The following SLC38A4 variants were observed in gnomAD, a reference collection of about 807,000 sequenced individuals.
SLC38A4 encodes sodium-coupled neutral amino acid transporter 4.
A neutral mutation model predicts 63.1 loss-of-function variants in SLC38A4; 20 were observed. The observed-to-expected ratio is 0.32, with a 90% confidence interval of 0.22 to 0.46. The LOEUF (loss-of-function observed/expected upper bound fraction) is 0.46, where lower values mean the gene tolerates loss of function less well. Among genes scored for constraint, SLC38A4 ranks in the 20% least tolerant of loss-of-function variants. The pLI, the probability that SLC38A4 is intolerant of heterozygous loss-of-function variation, is 1.00. For synonymous variants in SLC38A4, 230 were observed against 225.5 expected (o/e 1.02, Z -0.18); for missense variants, 526 against 663.6 (o/e 0.79, Z 2.28).
rs1300026239 is a variant in SLC38A4 at position 46,803,720 on chromosome 12, T to C, written c.-230A>G. The C allele has an allele frequency of 6.6e-6, 1 of 151,112 alleles. No individual in the cohort carries two copies. Among genetic ancestry groups the C allele is most frequent in the Non-Finnish European group, 1.5e-5 (1 of 67,804 alleles). The allele number at this position is 151,112 out of a possible 1,614,324, so 9.4% of individuals were successfully genotyped here. A position where few individuals can be genotyped will look rare whatever the true frequency, so the allele number is the denominator to read the frequency against. ...ATCTAGACATTGATTTAAAGACCAGTGGGAGTGAACGAGACAAGCCAATCA... is the reference window on the plus strand; with the variant it reads ...ATCTAGACATTGATTTAAAGACCAGCGGGAGTGAACGAGACAAGCCAATCA... On this transcript the variant is annotated 5_prime_UTR_variant, in exon 2 of 17. Transcript: ENST00000266579.
intron 2 of SLC38A4, among the ~76,000 whole-genome samples, chr12:46,802,354 T>G (rs1391693946): frequency 6.6e-6 from 1 of 152,016 alleles, no homozygotes; most frequent in African/African-American, 2.4e-5. Flanking sequence ...TGCAGTAAGT[T>G]CCATTCATTA....
intron 7 of SLC38A4, among the ~76,000 whole-genome samples, chr12:46,783,788 G>A (rs1395346942): frequency 6.6e-6 from 1 of 152,016 alleles, no homozygotes; most frequent in Non-Finnish European, 1.5e-5. Context: ...GAGGGAGTAA[G>A]TGTCATTATG....
chr12:46,782,710 A>G (rs1257137989), intron 7 of SLC38A4, among the ~76,000 whole-genome samples: 1 of 151,510 alleles, frequency 6.6e-6, no homozygotes, highest in Non-Finnish European at 1.5e-5. Context: ...AGAAGCATAT[A>G]CAGAACACTT....
At chr12:46,780,127 TCCC>T in intron 7 of SLC38A4, 97 bp from the exon 8 acceptor site, 1 of 914,250 alleles carries the variant, frequency 1.1e-6, no homozygotes, top group South Asian at 1.4e-5. Context: ...GAACATCTAA[TCCC>T]CCAAATGGAA....
chr12:46,801,196 A>G (rs1939125913), intron 2 of SLC38A4, among the ~76,000 whole-genome samples: 1 of 152,132 alleles, frequency 6.6e-6, no homozygotes, highest in African/African-American at 2.4e-5. Flanking sequence ...CATTTCTATC[A>G]TATTAATTAA....
chr12:46,799,851 G>A (rs935620861), intron 2 of SLC38A4, among the ~76,000 whole-genome samples: 2 of 152,056 alleles, frequency 1.3e-5, no homozygotes, highest in Non-Finnish European at 2.9e-5. Flanking sequence ...AGAAACTATG[G>A]AAGACACAGA....
At chr12:46,829,537 A>G (rs887508875), upstream of SLC38A4, among the ~76,000 whole-genome samples, 1 of 152,124 alleles carries the variant, frequency 6.6e-6, no homozygotes, top group Non-Finnish European at 1.5e-5. Context: ...GTACATCACG[A>G]AGTCCACAAG....
chr12:46,801,798 C>T (rs992499174), intron 2 of SLC38A4, among the ~76,000 whole-genome samples: 3 of 152,000 alleles, frequency 2.0e-5, no homozygotes, highest in Non-Finnish European at 4.4e-5. Flanking sequence ...CATATTTTGT[C>T]AGTGAGAGCG....
At chr12:46,825,281 T>A (rs1353525408) in intron 1 of SLC38A4, among the ~76,000 whole-genome samples, 1 of 142,416 alleles carries the variant, frequency 7.0e-6, no homozygotes, top group Non-Finnish European at 1.6e-5. Context: ...TGCAACTGGA[T>A]GCAAATTTAT....
At chr12:46,772,186 T>A (rs571066979) in intron 14 of SLC38A4, among the ~76,000 whole-genome samples, 36 of 151,994 alleles carry the variant, frequency 2.4e-4, no homozygotes, top group African/African-American at 8.7e-4. Flanking sequence ...ACACTTTGAT[T>A]TTGCAGGTTT....
chr12:46,769,375 T>C lies in SLC38A4; in HGVS notation c.1353A>G (p.Ile451Met), dbSNP rs1196505902. 6.2e-7 allele frequency: 1 copy of C among 1,613,382 alleles called. No individual in the cohort carries two copies. The highest frequency in any genetic ancestry group is 8.5e-7 in the Non-Finnish European group (1 of 1,179,558). The stretch of plus-strand genomic sequence containing the variant: ...GCACAGCTGCAATCAGGAAATGTCG[T>C]ATCCAGCTGAAGGGTCGTTTGGGAA... ...LLFPKRPFSW[I>M]RHFLIAAVLI... The change falls in exon 15 of 17, where the codon ATA (isoleucine) becomes ATG (methionine). Residue 451 changes from isoleucine (I) to methionine (M), a missense_variant. Physicochemically the swap from Ile to Met is conservative, Grantham distance 10. Transcript: ENST00000266579.
upstream of SLC38A4, among the ~76,000 whole-genome samples, chr12:46,827,089 A>G (rs1275229155): frequency 6.6e-6 from 1 of 152,218 alleles, no homozygotes; most frequent in Non-Finnish European, 1.5e-5. Context: ...AGTCATTTTA[A>G]TCATGAATAC....
chr12:46,810,090 T>A (rs1376478591), intron 1 of SLC38A4, among the ~76,000 whole-genome samples: 1 of 151,992 alleles, frequency 6.6e-6, no homozygotes, highest in Non-Finnish European at 1.5e-5. Flanking sequence ...TTCCTTCTTA[T>A]CCTCAGAGCC....
intron 1 of SLC38A4, among the ~76,000 whole-genome samples, chr12:46,817,628 T>C (rs1036674694): frequency 6.6e-6 from 1 of 151,818 alleles, no homozygotes; most frequent in Non-Finnish European, 1.5e-5. Flanking sequence ...CAGGAGCCTC[T>C]TATGTCTTCT....
chr12:46,792,990 T>C lies in SLC38A4; in HGVS notation c.82A>G (p.Ile28Val), dbSNP rs1372923095. ...SSGESAPDSY[I>V]GIGNSEKAAM... ...GCCTTTTCTGAATTTCCTATCCCGA[T>C]GTAGCTATCTGGAGCACTTTCTCCA... is the stretch of plus-strand genomic sequence containing the variant. Residue 28 changes from isoleucine (I) to valine (V), a missense_variant, in exon 3 of 17, where the codon ATC becomes GTC. Coordinates refer to ENST00000266579, the MANE Select transcript of SLC38A4 (RefSeq NM_018018.5). 3 of 1,613,384 alleles carry C rather than the reference T, an allele frequency of 1.9e-6. No homozygotes were observed. Among genetic ancestry groups the C allele is most frequent in the Middle Eastern group, 1.7e-4 (1 of 6,054 alleles).
At chr12:46,779,890 A>C (rs1938605439) in intron 8 of SLC38A4, 28 bp from the exon 9 acceptor site, 2 of 1,610,168 alleles carry the variant, frequency 1.2e-6, no homozygotes, top group Non-Finnish European at 1.7e-6. Flanking sequence ...GGATATTAGA[A>C]TCAGAAAAGA....
intron 1 of SLC38A4, among the ~76,000 whole-genome samples, chr12:46,809,410 C>A (rs900302533): frequency 6.6e-6 from 1 of 152,060 alleles, no homozygotes; most frequent in East Asian, 1.9e-4. Flanking sequence ...TTAATGAACT[C>A]GGGAGGATTT....
At position 46,818,045 on chromosome 12, in the gene SLC38A4, T is replaced by C. The variant is rs1203630697; in HGVS notation, c.-305+7858A>G. ...AATACAAAAGTGAGAAGATGACAGGTTTTTGTAAAAGTTTGCTTTTGACTT... is the reference window on the plus strand; with the variant it reads ...AATACAAAAGTGAGAAGATGACAGGCTTTTGTAAAAGTTTGCTTTTGACTT... On this transcript the variant is annotated intron_variant, in intron 1 of 16. Coordinates refer to ENST00000266579, the MANE Select transcript of SLC38A4 (RefSeq NM_018018.5). Among the ~76,000 whole-genome samples the C allele has an allele frequency of 2.0e-5, 3 of 151,854 alleles. No homozygotes were observed. In the East Asian group the frequency reaches 5.8e-4, roughly 29 times the overall value.
chr12:46,797,914 A>T (rs1163252451), intron 2 of SLC38A4, among the ~76,000 whole-genome samples: 2 of 152,206 alleles, frequency 1.3e-5, no homozygotes, highest in Admixed American at 6.5e-5. Flanking sequence ...AGTCAAAAGC[A>T]TAAGAGCCTT....
Sources: allele counts gnomAD v4.1 joint callset (sites outside exome capture counted in the v4.1 genomes callset), GRCh38; gene constraint gnomAD v4.1.1; transcripts MANE v1.5; gene names NCBI Gene and HGNC (gene_info 2026-07-23, HGNC 2026-07-21).